Variants in KDM2A observed in about 807,000 individuals in gnomAD.
KDM2A encodes the protein lysine demethylase 2A.
A neutral mutation model predicts 137.3 loss-of-function variants in KDM2A; 3 were observed. That is an observed-to-expected ratio of 0.02 (90% CI 0.01 to 0.06). KDM2A has a LOEUF of 0.06. Ranked by LOEUF, KDM2A falls within the 10% of genes least tolerant of loss-of-function variation. The pLI is 1.00. For synonymous variants in KDM2A, 512 were observed against 541.5 expected (o/e 0.95, Z 0.76); for missense variants, 738 against 1,510.6 (o/e 0.49, Z 8.48).
At chr11:67,155,227 G>C (rs1325866965) in intron 2 of KDM2A, among the ~76,000 whole-genome samples, 1 of 152,120 alleles carries the variant, frequency 6.6e-6, no homozygotes, top group Non-Finnish European at 1.5e-5. Flanking sequence ...TGTTGGCCAG[G>C]CTGGTCTCGA....
chr11:67,135,025 C>G (rs1049962554), intron 2 of KDM2A, among the ~76,000 whole-genome samples: 4 of 152,110 alleles, frequency 2.6e-5, no homozygotes, highest in Non-Finnish European at 5.9e-5. Context: ...TAAGCATTCA[C>G]TGTCTAGACA....
chr11:67,246,205 ATCCC>A, intron 15 of KDM2A, 89 bp downstream of exon 15: 26 of 1,417,104 alleles, frequency 1.8e-5, no homozygotes, highest in Non-Finnish European at 2.3e-5. Flanking sequence ...GAGTGCCAGC[ATCCC>A]TACTGTAGGC....
intron 2 of KDM2A, among the ~76,000 whole-genome samples, chr11:67,151,043 A>G (rs115478046): frequency 0.017 from 2,647 of 152,298 alleles, 83 homozygotes; most frequent in African/African-American, 0.06. Context: ...GGAGGATATC[A>G]TGGTGGATAG....
intron 2 of KDM2A, among the ~76,000 whole-genome samples, chr11:67,163,314 G>C (rs573726919): frequency 1.1e-3 from 160 of 152,280 alleles, no homozygotes; most frequent in African/African-American, 3.7e-3. Flanking sequence ...GCAGGATACA[G>C]TTGTTGAATT....
chr11:67,150,691 A>G (rs1191465828), intron 2 of KDM2A, among the ~76,000 whole-genome samples: 2 of 152,192 alleles, frequency 1.3e-5, no homozygotes, highest in African/African-American at 4.8e-5. Context: ...CTGGGGAATT[A>G]GAGGTGAGTT....
At chr11:67,191,612 CAG>C (rs1336553107) in intron 5 of KDM2A, among the ~76,000 whole-genome samples, 2 of 152,122 alleles carry the variant, frequency 1.3e-5, no homozygotes, top group Admixed American at 1.3e-4. Flanking sequence ...TCAATTGACA[CAG>C]AGAAGGTATT....
chr11:67,169,593 CT>C (rs1295384395), intron 2 of KDM2A, among the ~76,000 whole-genome samples: 1 of 151,408 alleles, frequency 6.6e-6, no homozygotes, highest in African/African-American at 2.4e-5. Flanking sequence ...CCAGGCTGCT[CT>C]TGAACTCCTG....
At chr11:67,158,781 C>T (rs982460045) in intron 2 of KDM2A, among the ~76,000 whole-genome samples, 17 of 152,118 alleles carry the variant, frequency 1.1e-4, no homozygotes, top group Admixed American at 9.2e-4. Flanking sequence ...GAACCACCGC[C>T]CCCAGCCTGA....
chr11:67,215,769 G>C, intron 7 of KDM2A, 87 bp from the exon 8 acceptor site: 2 of 903,588 alleles, frequency 2.2e-6, no homozygotes, highest in Non-Finnish European at 3.7e-6. Context: ...GATAAAGGGA[G>C]TATATAAGAG....
intron 2 of KDM2A, among the ~76,000 whole-genome samples, chr11:67,147,073 CAG>C (rs1335025419): frequency 4.6e-5 from 7 of 152,050 alleles, no homozygotes; most frequent in Non-Finnish European, 4.4e-5. Context: ...GAAGTTGAAA[CAG>C]AGCTAAGATT....
At position 67,228,119 on chromosome 11, in the gene KDM2A, G is replaced by T; in HGVS notation, c.1040G>T (p.Arg347Leu). 6.2e-7 allele frequency: 1 copy of T among 1,613,598 alleles called. No individual in the cohort carries two copies. The highest frequency in any genetic ancestry group is 8.5e-7 in the Non-Finnish European group (1 of 1,179,590). The change falls in exon 11 of 21, where the codon CGT becomes CTT. Residue 347 changes from arginine to leucine, a missense_variant. By Grantham distance (102) the Arg-to-Leu change is moderately radical. Transcript: ENST00000529006. ...LERYVYCITN[R>L]SHLTKEFQKE... ...CGCTATGTGTACTGCATAACCAACCGTTCCCACCTAACTAAGGAATTTCAG... is the reference window on the plus strand; with the variant it reads ...CGCTATGTGTACTGCATAACCAACCTTTCCCACCTAACTAAGGAATTTCAG...
At chr11:67,203,778 TTCCTC>T (rs1857718966) in intron 5 of KDM2A, among the ~76,000 whole-genome samples, 1 of 151,314 alleles carries the variant, frequency 6.6e-6, no homozygotes, top group South Asian at 2.1e-4. Context: ...ATAAAATGCT[TTCCTC>T]TACATTCTTT....
chr11:67,181,782 A>G, intron 4 of KDM2A, 64 bp from the exon 5 acceptor site: 1 of 1,447,204 alleles, frequency 6.9e-7, no homozygotes, highest in Middle Eastern at 1.7e-4. Context: ...CTTTAAGAAA[A>G]AAAACTCACA....
At chr11:67,165,189 T>G (rs1856712834) in intron 2 of KDM2A, among the ~76,000 whole-genome samples, 1 of 152,066 alleles carries the variant, frequency 6.6e-6, no homozygotes, top group East Asian at 1.9e-4. Flanking sequence ...TGGCGCGATC[T>G]TGGCTCACCG....
rs143642280 is a variant in KDM2A, at chr11:67,121,242, T to C, written c.-75T>C. 3.2e-5 allele frequency: 35 copies of C among 1,086,312 alleles called. No homozygotes were observed. In the East Asian group the frequency reaches 8.0e-4, roughly 25 times the overall value. The allele number at this position is 1,086,312 out of a possible 1,614,324, so 67.3% of individuals were successfully genotyped here. A position where few individuals can be genotyped will look rare whatever the true frequency, so the allele number is the denominator to read the frequency against. ...ATATCATTATTCTTTAGTGTTGCAATCTGGTTCCTAAGGAGGAAGAGGAAG... is the reference window on the plus strand; with the variant it reads ...ATATCATTATTCTTTAGTGTTGCAACCTGGTTCCTAAGGAGGAAGAGGAAG... On this transcript the variant is annotated 5_prime_UTR_variant, in exon 2 of 21. Coordinates refer to ENST00000529006, the MANE Select transcript of KDM2A (RefSeq NM_012308.3).
intron 5 of KDM2A, among the ~76,000 whole-genome samples, chr11:67,203,530 A>G (rs969922873): frequency 6.8e-6 from 1 of 148,042 alleles, no homozygotes; most frequent in African/African-American, 2.4e-5. Flanking sequence ...TATATAATAA[A>G]TAAGTAGTCT....
At chr11:67,217,619 T>G in intron 8 of KDM2A, 112 bp from the exon 9 acceptor site, 1 of 1,024,374 alleles carries the variant, frequency 9.8e-7, no homozygotes. Context: ...CTGGGAAAAT[T>G]GCTTGCCTTT....
intron 2 of KDM2A, among the ~76,000 whole-genome samples, chr11:67,154,534 G>A (rs1856471337): frequency 6.6e-6 from 1 of 152,128 alleles, no homozygotes; most frequent in South Asian, 2.1e-4. Flanking sequence ...CTGGGTTCAG[G>A]CGATTCTCCT....
At chr11:67,135,846 A>G (rs1431168159) in intron 2 of KDM2A, among the ~76,000 whole-genome samples, 1 of 152,188 alleles carries the variant, frequency 6.6e-6, no homozygotes, top group Non-Finnish European at 1.5e-5. Context: ...ATGTGAATAA[A>G]GATGCCCTTG....
Sources: allele counts gnomAD v4.1 joint callset (sites outside exome capture counted in the v4.1 genomes callset), GRCh38; gene constraint gnomAD v4.1.1; transcripts MANE v1.5; gene names NCBI Gene and HGNC (gene_info 2026-07-23, HGNC 2026-07-21).